ADAMTSL1: variants seen among roughly 807,000 people sequenced by gnomAD.
ADAMTSL1 encodes the protein ADAMTS-like protein 1.
Under a neutral mutation model 201.8 loss-of-function variants are expected in ADAMTSL1, and 126 were observed. The observed-to-expected ratio is 0.62, with a 90% CI of 0.54 to 0.72. ADAMTSL1 has a LOEUF of 0.72. Among genes scored for constraint, ADAMTSL1 ranks in the 30% least tolerant of loss-of-function variants. ADAMTSL1 has a pLI of 0.00. For missense variants in ADAMTSL1, 2,679 were observed against 2,277.8 expected (o/e 1.18, Z -3.59); for synonymous variants, 1,121 against 903.4 (o/e 1.24, Z -4.32).
intron 15 of ADAMTSL1, among the ~76,000 whole-genome samples, chr9:18,749,654 G>A (rs1193616325): frequency 6.6e-6 from 1 of 152,186 alleles, no homozygotes. Context: ...CACGGAATAG[G>A]GCATCAGCCC....
chr9:18,137,687 T>C (rs1418155613), intron 1 of ADAMTSL1, among the ~76,000 whole-genome samples: 1 of 152,170 alleles, frequency 6.6e-6, no homozygotes, highest in Non-Finnish European at 1.5e-5. Context: ...AAAATAATTA[T>C]AAAGAATTCC....
intron 1 of ADAMTSL1, among the ~76,000 whole-genome samples, chr9:18,138,977 T>C (rs965476524): frequency 2.0e-5 from 3 of 152,166 alleles, no homozygotes; most frequent in Non-Finnish European, 4.4e-5. Flanking sequence ...TCTGGAGACG[T>C]GGATTTTACT....
Position 18,826,343 on chromosome 9 carries a change from C to T in ADAMTSL1, c.3994C>T (p.His1332Tyr), listed in dbSNP as rs772013200. Residue 1332 changes from histidine (H) to tyrosine (Y), a missense_variant, in exon 22 of 29, where the codon CAT becomes TAT. His to Tyr is a moderately conservative substitution (Grantham distance 83, BLOSUM62 2). Transcript: ENST00000380548. Reference protein sequence around the residue: ...RNKSKLGSPHHLHEGSLLLTN... With the variant: ...RNKSKLGSPHYLHEGSLLLTN... ...TAAAAGCAAACTGGGCTCCCCGCACCATCTGCACGAAGGCTCCTTGCTGCT... is the reference window on the plus strand; with the variant it reads ...TAAAAGCAAACTGGGCTCCCCGCACTATCTGCACGAAGGCTCCTTGCTGCT... 6.2e-7 allele frequency: 1 copy of T among 1,613,534 alleles called. No homozygotes were observed. Among genetic ancestry groups the T allele is most frequent in the Non-Finnish European group, 8.5e-7 (1 of 1,179,812 alleles).
intron 1 of ADAMTSL1, among the ~76,000 whole-genome samples, chr9:18,047,486 C>T (rs527973804): frequency 6.6e-6 from 1 of 152,134 alleles, no homozygotes; most frequent in Non-Finnish European, 1.5e-5. Context: ...AAACATTCCT[C>T]TAAGGTATCA....
chr9:18,714,652 C>T (rs1256552742), intron 14 of ADAMTSL1, among the ~76,000 whole-genome samples: 3 of 149,096 alleles, frequency 2.0e-5, no homozygotes, highest in African/African-American at 4.9e-5. Context: ...GATTCACAGC[C>T]GAATTCTACC....
At chr9:18,091,133 T>C (rs1262839426) in intron 1 of ADAMTSL1, among the ~76,000 whole-genome samples, 1 of 151,948 alleles carries the variant, frequency 6.6e-6, no homozygotes, top group African/African-American at 2.4e-5. Flanking sequence ...GGATATAAAT[T>C]GGTAGTCAAC....
chr9:18,065,248 G>A (rs1822642344), intron 1 of ADAMTSL1, among the ~76,000 whole-genome samples: 1 of 152,102 alleles, frequency 6.6e-6, no homozygotes, highest in South Asian at 2.1e-4. Context: ...TACATGCAAG[G>A]ATTTCCTGTA....
At chr9:18,846,770 A>AG (rs1826144758) in intron 23 of ADAMTSL1, among the ~76,000 whole-genome samples, 1 of 152,192 alleles carries the variant, frequency 6.6e-6, no homozygotes, top group Non-Finnish European at 1.5e-5. Flanking sequence ...AATGGACAGA[A>AG]GTAGATGAAT....
rs16936202 is a variant in ADAMTSL1, at chr9:18,003,024, A to C, written c.87+96102A>C. Among the ~76,000 whole-genome samples the C allele has an allele frequency of 3.9e-5, 6 of 152,024 alleles. No individual in the cohort carries two copies. In the South Asian group the frequency reaches 1.0e-3, roughly 26 times the overall value. On this transcript the variant is annotated intron_variant, in intron 1 of 29. Coordinates refer to the ADAMTSL1 transcript ENST00000680146. ...CATAACCTGTGAGCTAATATTGACC[A>C]TGAGCTTCCAGGCCCATCCTGGAGT...
chr9:18,075,701 A>G (rs1183344799), intron 1 of ADAMTSL1, among the ~76,000 whole-genome samples: 3 of 152,202 alleles, frequency 2.0e-5, no homozygotes, highest in African/African-American at 7.2e-5. Context: ...AGAAAGTAAC[A>G]TCCTTGGCCC....
chr9:18,828,669 T>TATATA (rs1824762560), intron 22 of ADAMTSL1, among the ~76,000 whole-genome samples: 3 of 79,992 alleles, frequency 3.8e-5, no homozygotes, highest in Non-Finnish European at 4.7e-5. Flanking sequence ...TTTATATATA[T>TATATA]ATATATATAT....
At chr9:18,718,519 C>T (rs1363101103) in intron 14 of ADAMTSL1, 2 of 538,678 alleles carry the variant, frequency 3.7e-6, no homozygotes, top group Admixed American at 2.0e-5. Context: ...CTAGCTTATA[C>T]TCATGCATGA....
At chr9:18,045,558 T>C (rs1451763806) in intron 1 of ADAMTSL1, among the ~76,000 whole-genome samples, 5 of 152,188 alleles carry the variant, frequency 3.3e-5, no homozygotes, top group Non-Finnish European at 5.9e-5. Context: ...TTAAATTAGA[T>C]GAATGGGTAG....
At chr9:18,152,451 T>G (rs2132048967) in intron 1 of ADAMTSL1, among the ~76,000 whole-genome samples, 1 of 152,140 alleles carries the variant, frequency 6.6e-6, no homozygotes, top group Non-Finnish European at 1.5e-5. Context: ...AAGAGATGGC[T>G]GACTCACTGA....
intron 1 of ADAMTSL1, among the ~76,000 whole-genome samples, chr9:17,948,173 A>T (rs1827583715): frequency 6.6e-6 from 1 of 152,232 alleles, no homozygotes; most frequent in Non-Finnish European, 1.5e-5. Context: ...TTGCAAAATT[A>T]CAAAGCATTA....
chr9:17,998,578 G>A (rs1819482521), intron 1 of ADAMTSL1, among the ~76,000 whole-genome samples: 1 of 152,048 alleles, frequency 6.6e-6, no homozygotes, highest in Non-Finnish European at 1.5e-5. Context: ...CACAGGGTAT[G>A]TTTAGTTATA....
At chr9:18,106,404 G>A in intron 1 of ADAMTSL1, among the ~76,000 whole-genome samples, 1 of 152,186 alleles carries the variant, frequency 6.6e-6, no homozygotes, top group East Asian at 1.9e-4. Flanking sequence ...AGAGAGCTTT[G>A]TTTGCCCACA....
chr9:18,437,360 T>C (rs1819785628), intron 2 of ADAMTSL1, among the ~76,000 whole-genome samples: 1 of 152,152 alleles, frequency 6.6e-6, no homozygotes, highest in Admixed American at 6.5e-5. Flanking sequence ...CCAGTGCTGC[T>C]AGTTTTGTTC....
intron 2 of ADAMTSL1, among the ~76,000 whole-genome samples, chr9:18,419,176 T>C (rs950808993): frequency 6.6e-6 from 1 of 152,178 alleles, no homozygotes; most frequent in Non-Finnish European, 1.5e-5. Context: ...CAAAACCTTA[T>C]ACCTTATGCA....
Sources: gnomAD v4.1 joint callset for allele counts (sites outside exome capture counted in the v4.1 genomes callset) on GRCh38, gnomAD v4.1.1 for gene constraint, MANE v1.5 for transcripts, NCBI Gene and HGNC (gene_info 2026-07-23, HGNC 2026-07-21) for gene names.